Variants in OR1J2 observed in about 807,000 individuals in gnomAD.
OR1J2 encodes olfactory receptor 1J2.
For synonymous variants in OR1J2, 142 were observed against 99.7 expected, an observed-to-expected ratio of 1.42 and a Z score of -2.52; for missense variants, 304 against 246.1, an observed-to-expected ratio of 1.24 and a Z score of -1.57.
At chr9:122,509,162 T>C (rs1828587058), upstream of OR1J2, among the ~76,000 whole-genome samples, 1 of 152,138 alleles carries the variant, frequency 6.6e-6, no homozygotes, top group African/African-American at 2.4e-5. Context: ...ACAACCTTAA[T>C]CCCACCTTGG....
the OR1J2 span, among the ~76,000 whole-genome samples, chr9:122,505,191 A>C: frequency 6.6e-6 from 1 of 152,198 alleles, no homozygotes; most frequent in Non-Finnish European, 1.5e-5. Context: ...ACCTGAGACT[A>C]AGTAATTTAT....
At chr9:122,568,991 G>A in the OR1J2 span, among the ~76,000 whole-genome samples, 1 of 149,306 alleles carries the variant, frequency 6.7e-6, no homozygotes, top group South Asian at 2.1e-4. Flanking sequence ...GAGGTTTCAG[G>A]ACACTCTTTC....
At chr9:122,482,500 A>G in the OR1J2 span, among the ~76,000 whole-genome samples, 1 of 152,254 alleles carries the variant, frequency 6.6e-6, no homozygotes, top group East Asian at 1.9e-4. Context: ...CATATGATCC[A>G]GCAATCTCAC....
At chr9:122,563,830 C>G in the OR1J2 span, among the ~76,000 whole-genome samples, 1 of 152,008 alleles carries the variant, frequency 6.6e-6, no homozygotes, top group Admixed American at 6.6e-5. Flanking sequence ...TTTGCATACA[C>G]ATATTCAGTT....
At chr9:122,579,932 G>T in the OR1J2 span, among the ~76,000 whole-genome samples, 5 of 152,118 alleles carry the variant, frequency 3.3e-5, no homozygotes, top group Non-Finnish European at 7.3e-5. Context: ...CCCACCTAAA[G>T]TACTTCTCTT....
chr9:122,499,637 A>G, the OR1J2 span, among the ~76,000 whole-genome samples: 8 of 152,300 alleles, frequency 5.3e-5, no homozygotes, highest in East Asian at 9.7e-4. Flanking sequence ...CACAGGAAGA[A>G]TAGGGTGGGT....
chr9:122,457,910 A>G, the OR1J2 span, among the ~76,000 whole-genome samples: 3 of 152,278 alleles, frequency 2.0e-5, no homozygotes, highest in Middle Eastern at 3.4e-3. Context: ...CCTTTCCTGT[A>G]ATTTTTGTTG....
the OR1J2 span, among the ~76,000 whole-genome samples, chr9:122,550,875 A>G: frequency 6.6e-6 from 1 of 152,104 alleles, no homozygotes; most frequent in African/African-American, 2.4e-5. Context: ...CTCCTATTCA[A>G]CATGATACTG....
the OR1J2 span, among the ~76,000 whole-genome samples, chr9:122,569,829 C>G: frequency 6.6e-6 from 1 of 151,830 alleles, no homozygotes; most frequent in Admixed American, 6.6e-5. Context: ...TCCCTCCCCC[C>G]TGCCCCCACC....
chr9:122,488,853 C>CT, the OR1J2 span, among the ~76,000 whole-genome samples: 24 of 125,330 alleles, frequency 1.9e-4, no homozygotes, highest in East Asian at 5.0e-3. Context: ...ACACAAGTTT[C>CT]TTTTTTTAAA....
At chr9:122,578,730 T>A in the OR1J2 span, among the ~76,000 whole-genome samples, 1 of 152,246 alleles carries the variant, frequency 6.6e-6, no homozygotes, top group African/African-American at 2.4e-5. Flanking sequence ...CATCGTATGT[T>A]CTCACTCATA....
chr9:122,577,329 T>C, the OR1J2 span, among the ~76,000 whole-genome samples: 1 of 152,336 alleles, frequency 6.6e-6, no homozygotes, highest in South Asian at 2.1e-4. Context: ...TAGGCAGACT[T>C]CAAATTTAAG....
At chr9:122,477,979 T>C in the OR1J2 span, 1 of 1,265,168 alleles carries the variant, frequency 7.9e-7, no homozygotes, top group Admixed American at 2.2e-5. Context: ...AAATGGTATG[T>C]CTTGGAATAA....
the OR1J2 span, among the ~76,000 whole-genome samples, chr9:122,571,442 C>T: frequency 1.9e-3 from 285 of 151,434 alleles, 1 homozygote; most frequent in Middle Eastern, 6.8e-3. Context: ...CCCAGCTACT[C>T]GGTAGGCTGA....
chr9:122,493,136 G>A, the OR1J2 span, among the ~76,000 whole-genome samples: 2 of 152,044 alleles, frequency 1.3e-5, no homozygotes, highest in Admixed American at 1.3e-4. Context: ...TTGCATCTAT[G>A]TTCATCAGGG....
At chr9:122,554,604 T>C in the OR1J2 span, among the ~76,000 whole-genome samples, 1 of 152,084 alleles carries the variant, frequency 6.6e-6, no homozygotes, top group African/African-American at 2.4e-5. Flanking sequence ...GTGAAAACTG[T>C]GAATTAGGAT....
At chr9:122,481,302 T>TGG in the OR1J2 span, among the ~76,000 whole-genome samples, 2 of 152,200 alleles carry the variant, frequency 1.3e-5, no homozygotes, top group African/African-American at 4.8e-5. Context: ...AGCGCATTTC[T>TGG]TAATCAAGAT....
chr9:122,572,628 G>A, the OR1J2 span, among the ~76,000 whole-genome samples: 1 of 151,532 alleles, frequency 6.6e-6, no homozygotes, highest in Non-Finnish European at 1.5e-5. Context: ...AGCATGTGGT[G>A]TAGAGGGCCT....
the OR1J2 span, among the ~76,000 whole-genome samples, chr9:122,565,721 C>T: frequency 6.6e-6 from 1 of 152,216 alleles, no homozygotes; most frequent in Non-Finnish European, 1.5e-5. Flanking sequence ...CTTCTCCCCA[C>T]CTTCACCTTC....
Sources: allele counts gnomAD v4.1 joint callset (sites outside exome capture counted in the v4.1 genomes callset), GRCh38; gene constraint gnomAD v4.1.1; transcripts MANE v1.5; gene names NCBI Gene and HGNC (gene_info 2026-07-23, HGNC 2026-07-21).